The following AMZ1 variants were observed in gnomAD, a reference collection of about 807,000 sequenced individuals.
AMZ1 encodes archaemetzincin-1.
In AMZ1, 39 loss-of-function variants were observed where a neutral mutation model predicts 29.9. The ratio of observed to expected loss-of-function variants is 1.30; its 90% CI spans 1.01 to 1.70. AMZ1 has a LOEUF of 1.70. Ranked by LOEUF, AMZ1 falls within the 40% of genes most tolerant of loss-of-function variation. The probability of loss-of-function intolerance (pLI) is 0.00; values close to 1 mark genes in which losing one functional copy is unlikely to be tolerated. For synonymous variants in AMZ1, 458 were observed against 304.0 expected (o/e 1.51, Z -5.27); for missense variants, 1,041 against 680.6 (o/e 1.53, Z -5.89).
chr7:2,700,717 C>A lies in AMZ1; in HGVS notation c.266C>A (p.Pro89His), dbSNP rs1158066940. The A allele has an allele frequency of 1.2e-6, 2 of 1,613,170 alleles. No individual in the cohort carries two copies. Among genetic ancestry groups the A allele is most frequent in the Middle Eastern group, 1.7e-4 (1 of 6,050 alleles). Residue 89 changes from proline to histidine, a missense_variant, in exon 2 of 7, where the codon CCC becomes CAC. Pro to His is a moderately conservative substitution (Grantham distance 77). Coordinates refer to ENST00000683327, the MANE Select transcript of AMZ1 (RefSeq NM_001384743.1). Reference sequence around the variant, plus strand: ...CACGCCTCCCTGCAGCACCGGAAGCCCCGCCTGGCTCGGAAGCACATCTAC... The same window carrying A: ...CACGCCTCCCTGCAGCACCGGAAGCACCGCCTGGCTCGGAAGCACATCTAC... ...TFHASLQHRK[P>H]RLARKHIYLQ...
intron 1 of AMZ1, among the ~76,000 whole-genome samples, chr7:2,699,830 C>A (rs968742766): frequency 6.6e-6 from 1 of 152,250 alleles, no homozygotes; most frequent in South Asian, 2.1e-4. Context: ...CTCTTCCCTC[C>A]AAGGCCTCTA....
At position 2,689,323 on chromosome 7, in the gene AMZ1, C is replaced by T. The variant is rs189538379; in HGVS notation, c.-219+1027C>T. Among the ~76,000 whole-genome samples the T allele has an allele frequency of 5.3e-5, 8 of 152,116 alleles. No individual in the cohort carries two copies. The East Asian group carries it at 1.4e-3, about 26-fold the overall frequency. On this transcript the variant is annotated intron_variant, in intron 1 of 6. Coordinates refer to ENST00000683327, the MANE Select transcript of AMZ1 (RefSeq NM_001384743.1). ...CAGCCTGACCTTGGATACCTGGTTA[C>T]TGGGCCAGTCTGGCGGCCCTTGTTG...
chr7:2,709,913 C>T, intron 6 of AMZ1, 97 bp downstream of exon 6: 1 of 1,502,542 alleles, frequency 6.7e-7, no homozygotes, highest in Non-Finnish European at 9.0e-7. Context: ...GGACCGCACA[C>T]AGGCTTTGTC....
intron 3 of AMZ1, 75 bp downstream of exon 3, chr7:2,702,964 C>T (rs1788146955): frequency 2.7e-6 from 4 of 1,473,186 alleles, no homozygotes; most frequent in Non-Finnish European, 3.6e-6. Flanking sequence ...GGAAGGCGCC[C>T]AGGAGAGGAA....
chr7:2,737,269 GTTTTGTTTTTTTTT>G (rs1328800927), intron 4 of AMZ1, among the ~76,000 whole-genome samples: 3 of 38,128 alleles, frequency 7.9e-5, no homozygotes, highest in African/African-American at 2.8e-4. Flanking sequence ...TCACAGTTTT[GTTTTGTTTTTTTTT>G]TTTTTGTTTT....
chr7:2,712,623 C>T lies in AMZ1; in HGVS notation c.1242C>T (p.Cys414=), dbSNP rs932978169. The change falls in exon 7 of 7, where the codon TGC becomes TGT. Residue 414 remains cysteine, a synonymous_variant. Coordinates refer to ENST00000683327, the MANE Select transcript of AMZ1 (RefSeq NM_001384743.1). ...IKEHERWLAM[C]IQALQREVAE... is the part of the protein sequence containing the mutation. Reference sequence around the variant, plus strand: ...AGCATGAACGGTGGCTGGCCATGTGCATCCAGGCCCTGCAGCGGGAAGTGG... The same window carrying T: ...AGCATGAACGGTGGCTGGCCATGTGTATCCAGGCCCTGCAGCGGGAAGTGG... 1.9e-6 allele frequency: 3 copies of T among 1,612,868 alleles called. No individual in the cohort carries two copies. Among genetic ancestry groups the T allele is most frequent in the African/African-American group, 1.3e-5 (1 of 74,920 alleles).
rs189264361 is a variant in AMZ1 at position 2,690,091 on chromosome 7, C to T, written c.-219+1795C>T. Among the ~76,000 whole-genome samples, 9 of 152,272 alleles carry T rather than the reference C, an allele frequency of 5.9e-5. No homozygotes were observed. The East Asian group carries it at 9.7e-4, about 16-fold the overall frequency. On this transcript the variant is annotated intron_variant, in intron 1 of 6. Coordinates refer to ENST00000683327, the MANE Select transcript of AMZ1 (RefSeq NM_001384743.1). ...GGGCAGACGTCATGCCCTGGATGCCCGAGAGCTGTACCCGTGTTAAGGGAT... is the reference window on the plus strand; with the variant it reads ...GGGCAGACGTCATGCCCTGGATGCCTGAGAGCTGTACCCGTGTTAAGGGAT...
Position 2,751,770 on chromosome 7 carries a change from G to A in AMZ1, n.551-12942G>A, listed in dbSNP as rs201825130. ...CAGATTGGACATCTTATACGAAATG[G>A]ACAAATTGCTTTAAAAAATTTAATT... On this transcript the variant is annotated intron_variant and non_coding_transcript_variant, in intron 4 of 4. Transcript: ENST00000489665. 2.0e-5 allele frequency among the ~76,000 whole-genome samples: 3 copies of A among 152,210 alleles called. No individual in the cohort carries two copies. The East Asian group carries it at 5.8e-4, about 29-fold the overall frequency.
intron 1 of AMZ1, among the ~76,000 whole-genome samples, chr7:2,698,758 C>G (rs1301119976): frequency 6.6e-6 from 1 of 152,156 alleles, no homozygotes; most frequent in Non-Finnish European, 1.5e-5. Context: ...ATCGCTTGAG[C>G]TCAGGAGTTG....
chr7:2,709,866 G>T (rs1268400464), intron 6 of AMZ1, 50 bp downstream of exon 6: 7 of 1,592,066 alleles, frequency 4.4e-6, no homozygotes, highest in Non-Finnish European at 1.7e-6. Flanking sequence ...CGCTCCGGAG[G>T]CCCGCGAGCG....
rs1040533287 is a variant in AMZ1 at position 2,714,406 on chromosome 7, T to C, written c.*1528T>C. ...GGTCCTGGTCCCACTCCGTGTTGACTTCAGAGAAGCAAAGATGCAGCTCAG... is the reference window on the plus strand; with the variant it reads ...GGTCCTGGTCCCACTCCGTGTTGACCTCAGAGAAGCAAAGATGCAGCTCAG... On this transcript the variant is annotated 3_prime_UTR_variant, in exon 7 of 7. Coordinates refer to ENST00000683327, the MANE Select transcript of AMZ1 (RefSeq NM_001384743.1). 6.6e-6 allele frequency: 1 copy of C among 152,350 alleles called. No individual in the cohort carries two copies. The highest frequency in any genetic ancestry group is 2.4e-5 in the African/African-American group (1 of 41,434). 9.4% of individuals were successfully genotyped at this position (152,350 alleles called of 1,614,324 possible).
chr7:2,704,374 C>T (rs1399996707), intron 3 of AMZ1, among the ~76,000 whole-genome samples: 2 of 152,066 alleles, frequency 1.3e-5, no homozygotes, highest in Non-Finnish European at 1.5e-5. Flanking sequence ...TGGTGGCACA[C>T]ATCTATAGTC....
intron 1 of AMZ1, among the ~76,000 whole-genome samples, chr7:2,694,926 A>G (rs1787616771): frequency 6.6e-6 from 1 of 151,742 alleles, no homozygotes; most frequent in South Asian, 2.1e-4. Context: ...GCCTGCCTCG[A>G]CCTCCCAAGG....
chr7:2,710,867 G>A (rs1252287354), intron 6 of AMZ1, among the ~76,000 whole-genome samples: 1 of 152,240 alleles, frequency 6.6e-6, no homozygotes, highest in East Asian at 1.9e-4. Flanking sequence ...GCCTTGTAAA[G>A]GTTGCTGCTG....
chr7:2,682,870 G>A (rs753311175), intron 1 of AMZ1, among the ~76,000 whole-genome samples: 2 of 152,210 alleles, frequency 1.3e-5, no homozygotes, highest in Non-Finnish European at 2.9e-5. Flanking sequence ...TGCTCGCACG[G>A]TTCCTTCCAC....
chr7:2,696,353 T>G (rs1376231603), intron 1 of AMZ1, among the ~76,000 whole-genome samples: 1 of 148,726 alleles, frequency 6.7e-6, no homozygotes, highest in Admixed American at 6.8e-5. Context: ...GCCTCCCAGG[T>G]TCACGCCATT....
chr7:2,750,141 C>T (rs2115357870), intron 4 of AMZ1, among the ~76,000 whole-genome samples: 1 of 152,294 alleles, frequency 6.6e-6, no homozygotes, highest in South Asian at 2.1e-4. Context: ...AGAAGTCAGA[C>T]TCTCCGGTCT....
chr7:2,719,357 G>A lies in AMZ1; in HGVS notation c.*6479G>A, dbSNP rs779387272. ...CCCAAGCAGGAGCAATGCCTAAAGAGGGCAAAGGCCCGCGCGCCTGGCAGA... is the reference window on the plus strand; with the variant it reads ...CCCAAGCAGGAGCAATGCCTAAAGAAGGCAAAGGCCCGCGCGCCTGGCAGA... On this transcript the variant is annotated 3_prime_UTR_variant, in exon 7 of 7. Coordinates refer to ENST00000683327, the MANE Select transcript of AMZ1 (RefSeq NM_001384743.1). Among the ~76,000 whole-genome samples the A allele has an allele frequency of 3.3e-5, 5 of 152,218 alleles. No homozygotes were observed. Among genetic ancestry groups the A allele is most frequent in the South Asian group, 2.1e-4 (1 of 4,828 alleles).
intron 3 of AMZ1, among the ~76,000 whole-genome samples, chr7:2,707,342 G>A (rs1226405316): frequency 6.6e-6 from 1 of 151,378 alleles, no homozygotes; most frequent in African/African-American, 2.4e-5. Context: ...TCCTTTTAAT[G>A]GTAGAACTCC....
Sources: allele counts gnomAD v4.1 joint callset (sites outside exome capture counted in the v4.1 genomes callset), GRCh38; gene constraint gnomAD v4.1.1; transcripts MANE v1.5; gene names NCBI Gene and HGNC (gene_info 2026-07-23, HGNC 2026-07-21).